The following PFKP variants were observed in gnomAD, a reference collection of about 807,000 sequenced individuals.
PFKP encodes the protein phosphofructokinase, platelet.
In PFKP, 101 loss-of-function variants were observed where a neutral mutation model predicts 94.3. That is an observed-to-expected ratio of 1.07 (90% CI 0.91 to 1.26). The LOEUF (loss-of-function observed/expected upper bound fraction) is 1.26. Among genes scored for constraint, PFKP ranks in the 50% most tolerant of loss-of-function variants. PFKP has a pLI of 0.00. For missense variants in PFKP, 1,145 were observed against 1,103.3 expected, an observed-to-expected ratio of 1.04 and a Z score of -0.53; for synonymous variants, 573 against 432.6, an observed-to-expected ratio of 1.32 and a Z score of -4.03.
intron 10 of PFKP, among the ~76,000 whole-genome samples, chr10:3,109,906 G>T (rs1371814311): frequency 6.6e-6 from 1 of 151,630 alleles, no homozygotes; most frequent in Non-Finnish European, 1.5e-5. Context: ...AGGGGGCAGG[G>T]AGGCAGGGAG....
rs986670242 is a variant in PFKP at position 3,101,144 on chromosome 10, G to T, written c.265-221G>T. On this transcript the variant is annotated intron_variant, in intron 3 of 21. Coordinates refer to ENST00000381125, the MANE Select transcript of PFKP (RefSeq NM_002627.5). ...GTGTGTCTGGCTCTGCACCCTCCCT[G>T]GCTCCTCCTGGGTGTCACGCGCCTG... is the stretch of plus-strand genomic sequence containing the variant. 18 of 767,000 alleles carry T rather than the reference G, an allele frequency of 2.3e-5. No homozygotes were observed. The Admixed American group carries it at 4.0e-4, about 17-fold the overall frequency. 47.5% of individuals were successfully genotyped at this position (767,000 alleles called of 1,614,324 possible).
chr10:3,102,220 C>T (rs1835080797), intron 4 of PFKP, among the ~76,000 whole-genome samples: 3 of 119,750 alleles, frequency 2.5e-5, no homozygotes, highest in East Asian at 2.5e-4. Flanking sequence ...CACTGCACTC[C>T]AGCCTGGGCG....
chr10:3,117,471 G>C (rs1836950135), intron 14 of PFKP, among the ~76,000 whole-genome samples: 1 of 152,216 alleles, frequency 6.6e-6, no homozygotes, highest in African/African-American at 2.4e-5. Context: ...CACATGGAAG[G>C]AAGGTAGTTT....
intron 20 of PFKP, 48 bp downstream of exon 20, chr10:3,134,630 C>G: frequency 8.1e-7 from 1 of 1,231,316 alleles, no homozygotes; most frequent in Middle Eastern, 2.1e-4. Flanking sequence ...GCAGGCCGTC[C>G]TGCCTTGGTG....
Position 3,136,457 on chromosome 10 carries a change from A to G in PFKP, c.2233A>G (p.Ile745Val). 6.2e-7 allele frequency: 1 copy of G among 1,613,474 alleles called. No individual in the cohort carries two copies. Among genetic ancestry groups the G allele is most frequent in the South Asian group, 1.1e-5 (1 of 91,048 alleles). ...CTCCTCTTACCTCCACAGGCACAGG[A>G]TTCCCAAAGAACAGTGGTGGCTCAA... Reference protein sequence around the residue: ...LKKQTDFEHRIPKEQWWLKLR... With the variant: ...LKKQTDFEHRVPKEQWWLKLR... Residue 745 changes from isoleucine to valine, a missense_variant, in exon 22 of 22, where the codon ATT becomes GTT. Physicochemically the swap from Ile to Val is conservative, Grantham distance 29. This residue lies in a region of PFKP where 1,119 missense variants were observed against 1,062.8 expected (regional missense o/e 1.05). Transcript: ENST00000381125.
intron 20 of PFKP, among the ~76,000 whole-genome samples, chr10:3,135,051 G>GTAAGTTACATATTC (rs1274847762): frequency 1.3e-5 from 2 of 152,108 alleles, no homozygotes; most frequent in Non-Finnish European, 2.9e-5. Context: ...AATCAGTTCT[G>GTAAGTTACATATTC]TAAGTTACAT....
In PFKP at chr10:3,105,754, C is replaced by T. The variant is rs2388575; in HGVS notation, c.774+253C>T. Among the ~76,000 whole-genome samples, 44,542 of 151,802 alleles carry T rather than the reference C, an allele frequency of 0.29. 6,735 individuals carry two copies. Among genetic ancestry groups the T allele is most frequent in the East Asian group, 0.46 (2,360 of 5,128 alleles). ...GTGAGCCTGGTTAGAATGCCCCATG[C>T]GTGCCTAACTCCGGCAGGCAGACTT... On this transcript the variant is annotated intron_variant, in intron 7 of 21. Coordinates refer to ENST00000381125, the MANE Select transcript of PFKP (RefSeq NM_002627.5).
chr10:3,071,623 G>A (rs940082286), intron 1 of PFKP, among the ~76,000 whole-genome samples: 1 of 152,116 alleles, frequency 6.6e-6, no homozygotes. Context: ...GTGACTCATT[G>A]TCTTAGTCAC....
chr10:3,112,248 C>G lies in PFKP; in HGVS notation c.1116C>G (p.Asp372Glu), dbSNP rs142574608. 2.9e-5 allele frequency: 47 copies of G among 1,613,622 alleles called. No individual in the cohort carries two copies. Among genetic ancestry groups the G allele is most frequent in the Non-Finnish European group, 3.8e-5 (45 of 1,179,676 alleles). The change falls in exon 11 of 22, where the codon GAC (aspartate) becomes GAG (glutamate). Residue 372 changes from aspartate (D) to glutamate (E), a missense_variant. Transcript: ENST00000381125. ...QMTQDVQKAM[D>E]ERRFQDAVRL... is the part of the protein sequence containing the mutation. Reference sequence around the variant, plus strand: ...CTCAGGATGTGCAGAAGGCGATGGACGAGAGGAGATTTCAAGATGCGGTTC... The same window carrying G: ...CTCAGGATGTGCAGAAGGCGATGGAGGAGAGGAGATTTCAAGATGCGGTTC...
chr10:3,112,607 A>G (rs9804219), intron 11 of PFKP, among the ~76,000 whole-genome samples: 64,735 of 152,054 alleles, frequency 0.43, 14,024 homozygotes, highest in South Asian at 0.53. Flanking sequence ...GCCTAGGCTA[A>G]AGTGCAGTGG....
Position 3,099,343 on chromosome 10 carries a change from C to T in PFKP, c.255C>T (p.Ile85=). The T allele has an allele frequency of 6.2e-7, 1 of 1,613,802 alleles. No homozygotes were observed. The highest frequency in any genetic ancestry group is 1.3e-5 in the African/African-American group (1 of 75,036). The part of the protein sequence containing the change: ...AEADWESVSS[I]LQVGGTIIGS... Reference sequence around the variant, plus strand: ...CCGACTGGGAGAGTGTCTCCAGCATCCTGCAAGTGGTAGGTACTGGGCTGC... The same window carrying T: ...CCGACTGGGAGAGTGTCTCCAGCATTCTGCAAGTGGTAGGTACTGGGCTGC... The change falls in exon 3 of 22, where the codon ATC becomes ATT. Residue 85 remains isoleucine (I), a synonymous_variant. Transcript: ENST00000381125.
chr10:3,090,993 T>G (rs901538427), intron 2 of PFKP, among the ~76,000 whole-genome samples: 2 of 152,104 alleles, frequency 1.3e-5, no homozygotes, highest in Non-Finnish European at 2.9e-5. Context: ...AGTGCATGTG[T>G]GAAGAAAGTA....
At chr10:3,112,952 C>T (rs529285401) in intron 11 of PFKP, among the ~76,000 whole-genome samples, 167 bp from the exon 12 acceptor site, 8 of 152,384 alleles carry the variant, frequency 5.2e-5, no homozygotes, top group South Asian at 4.1e-4. Context: ...CCGCGGGTCG[C>T]GGCTAAGGGC....
intron 13 of PFKP, 43 bp downstream of exon 13, chr10:3,113,561 G>A (rs4881087): frequency 6.3e-7 from 1 of 1,595,302 alleles, no homozygotes; most frequent in Non-Finnish European, 8.5e-7. Context: ...CACCCTGGCT[G>A]TGAGCACAGT....
At chr10:3,135,917 C>A in intron 21 of PFKP, 79 bp downstream of exon 21, 2 of 843,584 alleles carry the variant, frequency 2.4e-6, no homozygotes, top group South Asian at 1.5e-5. Context: ...CTGTTGCTGT[C>A]GGCAACTCAT....
At chr10:3,069,163 C>G in intron 1 of PFKP, 2 of 1,076,216 alleles carry the variant, frequency 1.9e-6, no homozygotes, top group South Asian at 4.0e-5. Flanking sequence ...GCGGGAGACC[C>G]GGGTGGCAGC....
At chr10:3,136,420 C>A (rs1222199928) in intron 21 of PFKP, 30 bp from the exon 22 acceptor site, 1 of 1,611,366 alleles carries the variant, frequency 6.2e-7, no homozygotes. Flanking sequence ...TGACTGCAGG[C>A]CTCACTGCTG....
At chr10:3,081,254 T>G (rs899900204) in intron 1 of PFKP, among the ~76,000 whole-genome samples, 1 of 152,156 alleles carries the variant, frequency 6.6e-6, no homozygotes, top group Non-Finnish European at 1.5e-5. Flanking sequence ...CCTGGCCCAA[T>G]GTAATTGAAG....
chr10:3,101,290 A>G, intron 3 of PFKP, 75 bp from the exon 4 acceptor site: 2 of 1,204,748 alleles, frequency 1.7e-6, no homozygotes, highest in Non-Finnish European at 2.3e-6. Flanking sequence ...CCATGTTTAT[A>G]GTCGGCCTGT....
Sources: gnomAD v4.1 joint callset for allele counts (sites outside exome capture counted in the v4.1 genomes callset) on GRCh38, gnomAD v4.1.1 for gene constraint, gnomAD v4.1.1 regional missense constraint, MANE v1.5 for transcripts, NCBI Gene and HGNC (gene_info 2026-07-23, HGNC 2026-07-21) for gene names.